AUH: variants seen among roughly 807,000 people sequenced by gnomAD.
The protein encoded by AUH is methylglutaconyl-CoA hydratase, mitochondrial.
A neutral mutation model predicts 42.3 loss-of-function variants in AUH; 29 were observed. That is an observed-to-expected ratio of 0.69 (90% CI 0.51 to 0.93). AUH has a LOEUF of 0.93. Ranked by LOEUF, AUH falls within the 40% of genes least tolerant of loss-of-function variation. The probability of loss-of-function intolerance (pLI) is 0.00; values close to 1 mark genes in which losing one functional copy is unlikely to be tolerated. For synonymous variants in AUH, 174 were observed against 166.4 expected, an observed-to-expected ratio of 1.05 and a Z score of -0.35; for missense variants, 452 against 438.1, an observed-to-expected ratio of 1.03 and a Z score of -0.28.
chr9:91,346,576 A>G (rs1034431107), intron 3 of AUH, among the ~76,000 whole-genome samples: 8 of 152,300 alleles, frequency 5.3e-5, no homozygotes, highest in Non-Finnish European at 1.0e-4. Flanking sequence ...TCCTGAGACC[A>G]ATTATGACGT....
chr9:91,242,401 T>C (rs548699597), intron 6 of AUH, among the ~76,000 whole-genome samples: 1 of 152,326 alleles, frequency 6.6e-6, no homozygotes, highest in Non-Finnish European at 1.5e-5. Flanking sequence ...CAGAGAGTAT[T>C]TCCCAAAGTT....
At chr9:91,354,061 G>A (rs767065726) in intron 3 of AUH, among the ~76,000 whole-genome samples, 9 of 151,708 alleles carry the variant, frequency 5.9e-5, no homozygotes, top group South Asian at 4.2e-4. Context: ...CCAGCTACAC[G>A]GGAGGGTGAG....
chr9:91,317,558 T>A (rs1829252872), intron 4 of AUH, among the ~76,000 whole-genome samples: 1 of 152,186 alleles, frequency 6.6e-6, no homozygotes, highest in African/African-American at 2.4e-5. Flanking sequence ...AATAATTTAT[T>A]GTTTCTTTTA....
At chr9:91,306,889 T>C (rs1828265576) in intron 4 of AUH, among the ~76,000 whole-genome samples, 1 of 152,116 alleles carries the variant, frequency 6.6e-6, no homozygotes, top group South Asian at 2.1e-4. Context: ...AGCCCAAAAC[T>C]GAACACAACC....
chr9:91,350,989 TTCAAACAGGGTC>T (rs1318471652), intron 3 of AUH, among the ~76,000 whole-genome samples: 1 of 152,172 alleles, frequency 6.6e-6, no homozygotes, highest in African/African-American at 2.4e-5. Context: ...TTTTCATTTT[TTCAAACAGGGTC>T]TCGCTCTGTC....
At chr9:91,275,563 T>G (rs1212613851) in intron 6 of AUH, among the ~76,000 whole-genome samples, 8 of 152,130 alleles carry the variant, frequency 5.3e-5, no homozygotes, top group African/African-American at 1.2e-4. Context: ...ATTAAATAAG[T>G]GTTCTCAACC....
intron 6 of AUH, among the ~76,000 whole-genome samples, chr9:91,245,201 G>A (rs1828727709): frequency 6.6e-6 from 1 of 152,170 alleles, no homozygotes; most frequent in Non-Finnish European, 1.5e-5. Flanking sequence ...GGGCCCAGCA[G>A]GTGGGAACTG....
intron 4 of AUH, among the ~76,000 whole-genome samples, chr9:91,317,734 G>A (rs1829264625): frequency 6.6e-6 from 1 of 152,174 alleles, no homozygotes; most frequent in Non-Finnish European, 1.5e-5. Flanking sequence ...GATTTTAGGA[G>A]ATGACTTCTA....
intron 4 of AUH, among the ~76,000 whole-genome samples, chr9:91,303,664 G>A (rs1404083523): frequency 6.6e-6 from 1 of 152,162 alleles, no homozygotes; most frequent in Non-Finnish European, 1.5e-5. Context: ...TTGAAGAATA[G>A]TGTTCCTACA....
chr9:91,239,748 C>T (rs1828396269), intron 6 of AUH, among the ~76,000 whole-genome samples: 1 of 150,504 alleles, frequency 6.6e-6, no homozygotes, highest in Non-Finnish European at 1.5e-5. Flanking sequence ...CACACACGCA[C>T]ACACACACAT....
rs72740742 is a variant in AUH at position 91,255,986 on chromosome 9, A to G, written c.656-34994T>C. On this transcript the variant is annotated intron_variant, in intron 6 of 9. Coordinates refer to ENST00000375731, the MANE Select transcript of AUH (RefSeq NM_001698.3). ...GTTCTGGCATTTTATCTTCCATTTT[A>G]TAGGAATTAAATATAATTAAATTTA... is the stretch of plus-strand genomic sequence containing the variant. Among the ~76,000 whole-genome samples the G allele has an allele frequency of 6.2e-3, 941 of 152,030 alleles. 2 individuals are homozygous for G. The highest frequency in any genetic ancestry group is 0.024 in the Middle Eastern group (7 of 294).
At chr9:91,325,822 G>A (rs781115814) in intron 3 of AUH, among the ~76,000 whole-genome samples, 9 of 152,140 alleles carry the variant, frequency 5.9e-5, no homozygotes, top group Non-Finnish European at 1.0e-4. Flanking sequence ...GCTTTGCAAG[G>A]TGCTGTCAGT....
chr9:91,309,540 T>C (rs1008753078), intron 4 of AUH, among the ~76,000 whole-genome samples: 19 of 151,858 alleles, frequency 1.3e-4, no homozygotes, highest in African/African-American at 4.6e-4. Flanking sequence ...GTCATTATCC[T>C]TAGTGAAATA....
intron 3 of AUH, among the ~76,000 whole-genome samples, chr9:91,342,341 G>C (rs1425582486): frequency 6.6e-6 from 1 of 152,118 alleles, no homozygotes; most frequent in Non-Finnish European, 1.5e-5. Context: ...ATTGGGCCCA[G>C]TGGATACATC....
At chr9:91,281,858 G>A (rs1825986982) in intron 6 of AUH, among the ~76,000 whole-genome samples, 1 of 152,062 alleles carries the variant, frequency 6.6e-6, no homozygotes, top group African/African-American at 2.4e-5. Context: ...ACAGCAACAG[G>A]CTCGTGGCAG....
intron 6 of AUH, among the ~76,000 whole-genome samples, chr9:91,269,140 C>A (rs1333937860): frequency 6.6e-6 from 1 of 152,156 alleles, no homozygotes; most frequent in Non-Finnish European, 1.5e-5. Flanking sequence ...GCCACCATGC[C>A]CAGCTAATTT....
chr9:91,349,695 CA>C (rs1393441775), intron 3 of AUH, among the ~76,000 whole-genome samples: 2 of 149,804 alleles, frequency 1.3e-5, no homozygotes, highest in African/African-American at 5.0e-5. Context: ...CACACACACA[CA>C]CACACACAGA....
chr9:91,230,342 G>A (rs564397090), intron 6 of AUH, among the ~76,000 whole-genome samples: 115 of 152,016 alleles, frequency 7.6e-4, no homozygotes, highest in African/African-American at 2.4e-3. Context: ...CCAGTTGATC[G>A]CAGCGGCTCC....
At chr9:91,322,234 C>T (rs1829634233) in intron 4 of AUH, among the ~76,000 whole-genome samples, 1 of 152,186 alleles carries the variant, frequency 6.6e-6, no homozygotes, top group African/African-American at 2.4e-5. Flanking sequence ...ATCCCAATTT[C>T]AGAATCCACA....
Sources: allele counts gnomAD v4.1 joint callset (sites outside exome capture counted in the v4.1 genomes callset), GRCh38; gene constraint gnomAD v4.1.1; transcripts MANE v1.5; gene names NCBI Gene and HGNC (gene_info 2026-07-23, HGNC 2026-07-21).